The following GALNT14 variants were observed in gnomAD, a reference collection of about 807,000 sequenced individuals.
GALNT14 encodes polypeptide N-acetylgalactosaminyltransferase 14.
Under a neutral mutation model 77.5 loss-of-function variants are expected in GALNT14, and 60 were observed. The observed-to-expected ratio is 0.77, with a 90% CI of 0.63 to 0.96. The LOEUF is 0.96. Ranked by LOEUF, GALNT14 falls within the 40% of genes least tolerant of loss-of-function variation. The probability of loss-of-function intolerance (pLI) is 0.00; values close to 1 mark genes in which losing one functional copy is unlikely to be tolerated. For synonymous variants in GALNT14, 280 were observed against 281.7 expected, an observed-to-expected ratio of 0.99 and a Z score of 0.06; for missense variants, 710 against 731.0, an observed-to-expected ratio of 0.97 and a Z score of 0.33.
intron 1 of GALNT14, among the ~76,000 whole-genome samples, chr2:31,119,249 G>A (rs1678264379): frequency 6.6e-6 from 1 of 151,968 alleles, no homozygotes; most frequent in Non-Finnish European, 1.5e-5. Flanking sequence ...AAAGTTATAT[G>A]GCAATATATA....
At chr2:31,000,141 A>C (rs577160775) in intron 1 of GALNT14, among the ~76,000 whole-genome samples, 1 of 152,254 alleles carries the variant, frequency 6.6e-6, no homozygotes, top group East Asian at 1.9e-4. Context: ...TATCTCACCC[A>C]AGCGGCTGTT....
chr2:30,887,643 G>T, the GALNT14 span, among the ~76,000 whole-genome samples: 9 of 152,288 alleles, frequency 5.9e-5, no homozygotes, highest in African/African-American at 2.2e-4. Flanking sequence ...GATACGATTT[G>T]CAATATCTGT....
At chr2:31,022,156 A>G (rs531450110) in intron 1 of GALNT14, among the ~76,000 whole-genome samples, 2 of 152,320 alleles carry the variant, frequency 1.3e-5, no homozygotes, top group South Asian at 2.1e-4. Flanking sequence ...AAAGGTGTGT[A>G]TGGATGGGAA....
chr2:31,137,505 C>T (rs1217281407), intron 1 of GALNT14, among the ~76,000 whole-genome samples: 1 of 152,120 alleles, frequency 6.6e-6, no homozygotes, highest in Non-Finnish European at 1.5e-5. Context: ...GCGCGCGCGG[C>T]GCACCCGGCC....
intron 1 of GALNT14, among the ~76,000 whole-genome samples, chr2:31,053,487 G>A (rs572062026): frequency 2.5e-4 from 35 of 139,590 alleles, no homozygotes; most frequent in Non-Finnish European, 4.7e-4. Context: ...CTCCAACCCC[G>A]ATAGCCATGG....
At chr2:30,967,665 T>G (rs977945204) in intron 2 of GALNT14, among the ~76,000 whole-genome samples, 5 of 152,120 alleles carry the variant, frequency 3.3e-5, no homozygotes, top group African/African-American at 1.2e-4. Context: ...TCACCCCTCC[T>G]CTCATGCCCA....
At position 30,980,246 on chromosome 2, in the gene GALNT14, G is replaced by A. The variant is rs143008044; in HGVS notation, c.299+12592C>T. ...CTCTCTACATTCATCCATGTCACCC[G>A]TTTCTCCACCCCTGGCCCTGTTACC... On this transcript the variant is annotated intron_variant, in intron 2 of 14. Coordinates refer to ENST00000349752, the MANE Select transcript of GALNT14 (RefSeq NM_024572.4). 4.6e-4 allele frequency among the ~76,000 whole-genome samples: 70 copies of A among 152,286 alleles called. No individual in the cohort carries two copies. The East Asian group carries it at 0.012, about 26-fold the overall frequency.
chr2:30,938,151 A>G (rs1263435692), intron 9 of GALNT14, among the ~76,000 whole-genome samples: 2 of 150,660 alleles, frequency 1.3e-5, no homozygotes, highest in African/African-American at 4.9e-5. Flanking sequence ...CTGGGCCCCA[A>G]CTCACCTCTC....
intron 1 of GALNT14, among the ~76,000 whole-genome samples, chr2:31,104,166 C>G (rs1650533745): frequency 6.6e-6 from 1 of 152,080 alleles, no homozygotes; most frequent in African/African-American, 2.4e-5. Flanking sequence ...CCAATGGAGT[C>G]TTTCTTTCTG....
intron 1 of GALNT14, among the ~76,000 whole-genome samples, chr2:31,041,975 T>C (rs1673120306): frequency 6.6e-6 from 1 of 151,866 alleles, no homozygotes; most frequent in South Asian, 2.1e-4. Context: ...AAGAAGAGGA[T>C]TTAGGGAAAA....
intron 1 of GALNT14, among the ~76,000 whole-genome samples, chr2:31,043,803 G>A (rs1379847250): frequency 1.3e-5 from 2 of 152,144 alleles, no homozygotes; most frequent in South Asian, 2.1e-4. Context: ...CAGAGAGAAC[G>A]ATCTATAAAT....
intron 9 of GALNT14, among the ~76,000 whole-genome samples, chr2:30,938,388 T>A (rs62139548): frequency 0.19 from 22,862 of 121,520 alleles, 1,805 homozygotes; most frequent in East Asian, 0.32. Flanking sequence ...ACACACACTC[T>A]CTCTCTCTCT....
chr2:31,067,372 A>G (rs942225622), intron 1 of GALNT14, among the ~76,000 whole-genome samples: 2 of 152,000 alleles, frequency 1.3e-5, no homozygotes, highest in East Asian at 3.9e-4. Context: ...AAGCCCTGAG[A>G]GTCTGGGAAT....
intron 2 of GALNT14, among the ~76,000 whole-genome samples, chr2:30,974,376 G>C (rs1246300606): frequency 6.6e-6 from 1 of 152,236 alleles, no homozygotes; most frequent in African/African-American, 2.4e-5. Flanking sequence ...CAGCTAGAAT[G>C]ATCTTTCCAG....
At chr2:30,936,655 T>C (rs971913436) in intron 9 of GALNT14, among the ~76,000 whole-genome samples, 2 of 152,192 alleles carry the variant, frequency 1.3e-5, no homozygotes, top group African/African-American at 2.4e-5. Flanking sequence ...TCTACTGGGC[T>C]AGAAAGCAAG....
Position 30,938,384 on chromosome 2 carries a change from A to ACACACACTCTCT in GALNT14, c.931+3816_931+3817insAGAGAGTGTGTG, listed in dbSNP as rs1174119035. ...TACACACACACACACACACACACAC[A>ACACACACTCTCT]CTCTCTCTCTCTCTCTCTCTCTCTA... On this transcript the variant is annotated intron_variant, in intron 9 of 14. Coordinates refer to ENST00000349752, the MANE Select transcript of GALNT14 (RefSeq NM_024572.4). Among the ~76,000 whole-genome samples the ACACACACTCTCT allele has an allele frequency of 2.3e-3, 320 of 141,768 alleles. 2 individuals are homozygous for ACACACACTCTCT. Among genetic ancestry groups the ACACACACTCTCT allele is most frequent in the African/African-American group, 7.1e-3 (273 of 38,258 alleles). The allele number at this position is 141,768 out of a possible 152,430, so 93.0% of individuals were successfully genotyped here.
chr2:31,006,269 A>G (rs546359717), intron 1 of GALNT14, among the ~76,000 whole-genome samples: 21 of 152,272 alleles, frequency 1.4e-4, no homozygotes, highest in Non-Finnish European at 2.5e-4. Flanking sequence ...GTGGGAAGCC[A>G]GGCGAAAGAA....
At chr2:30,968,977 GTGTT>G (rs1361671786) in intron 2 of GALNT14, among the ~76,000 whole-genome samples, 5 of 152,140 alleles carry the variant, frequency 3.3e-5, no homozygotes, top group African/African-American at 1.2e-4. Flanking sequence ...CCTGGAGGGA[GTGTT>G]AGCTGGCAGG....
chr2:31,002,408 T>A (rs537559575), intron 1 of GALNT14, among the ~76,000 whole-genome samples: 2 of 151,208 alleles, frequency 1.3e-5, no homozygotes, highest in South Asian at 4.2e-4. Context: ...CCAACCTGGG[T>A]GACAGAGTGA....
Sources: allele counts gnomAD v4.1 joint callset (sites outside exome capture counted in the v4.1 genomes callset), GRCh38; gene constraint gnomAD v4.1.1; transcripts MANE v1.5; gene names NCBI Gene and HGNC (gene_info 2026-07-23, HGNC 2026-07-21).